CSMD1: variants seen among roughly 807,000 people sequenced by gnomAD.
The protein encoded by CSMD1 is CUB and sushi domain-containing protein 1.
CSMD1 carries 213 observed loss-of-function variants against 417.5 expected under a neutral mutation model. The observed-to-expected ratio is 0.51, with a 90% CI of 0.46 to 0.57. CSMD1 has a LOEUF of 0.57. Ranked by LOEUF, CSMD1 falls within the 20% of genes least tolerant of loss-of-function variation. CSMD1 has a pLI of 0.00. For synonymous variants in CSMD1, 2,862 were observed against 1,736.8 expected, an observed-to-expected ratio of 1.65 and a Z score of -16.11; for missense variants, 6,923 against 4,529.7, an observed-to-expected ratio of 1.53 and a Z score of -15.17.
rs572487169 is a variant in CSMD1, at chr8:3,905,202, T to G, written c.818+92701A>C. 5.3e-5 allele frequency among the ~76,000 whole-genome samples: 8 copies of G among 152,320 alleles called. No homozygotes were observed. In the East Asian group the frequency reaches 1.5e-3, roughly 29 times the overall value. ...AGAAAAAATATGTTCATATAAAAGA[T>G]AATATTTTTTCTGCATAATATAATT... On this transcript the variant is annotated intron_variant, in intron 5 of 69. Transcript: ENST00000635120.
chr8:4,012,704 T>C (rs910661311), intron 4 of CSMD1, among the ~76,000 whole-genome samples: 3 of 152,206 alleles, frequency 2.0e-5, no homozygotes, highest in Non-Finnish European at 2.9e-5. Context: ...TTCAACTCCA[T>C]AGAATGTCTA....
At chr8:3,393,507 G>A (rs1418311912) in intron 17 of CSMD1, among the ~76,000 whole-genome samples, 1 of 151,990 alleles carries the variant, frequency 6.6e-6, no homozygotes, top group Non-Finnish European at 1.5e-5. Flanking sequence ...TGTGTCTGTT[G>A]GCTGCATAAA....
intron 49 of CSMD1, among the ~76,000 whole-genome samples, chr8:3,062,914 T>C (rs934247139): frequency 6.6e-6 from 1 of 152,168 alleles, no homozygotes; most frequent in Non-Finnish European, 1.5e-5. Flanking sequence ...ACAAACATTT[T>C]TAAACTGTCT....
At chr8:3,432,208 G>C (rs778178206) in intron 12 of CSMD1, among the ~76,000 whole-genome samples, 3 of 152,068 alleles carry the variant, frequency 2.0e-5, no homozygotes, top group Non-Finnish European at 4.4e-5. Flanking sequence ...CATGGGTAGA[G>C]AACTGAATAT....
chr8:2,998,144 G>A lies in CSMD1; in HGVS notation c.8244C>T (p.Phe2748=). The change falls in exon 54 of 70, where the codon TTC becomes TTT. Residue 2748 remains phenylalanine (F), a synonymous_variant. Transcript: ENST00000635120. ...TCAGGTTGAACTCACTGCCATTAGT[G>A]AATCCGTGGGCAGGGTTTCCAGGGT... ...CGHPGNPAHG[F]TNGSEFNLND... The A allele has an allele frequency of 6.2e-7, 1 of 1,614,008 alleles. No homozygotes were observed. Among genetic ancestry groups the A allele is most frequent in the Non-Finnish European group, 8.5e-7 (1 of 1,179,876 alleles).
At chr8:4,702,984 A>G (rs1204150082) in intron 1 of CSMD1, among the ~76,000 whole-genome samples, 1 of 152,184 alleles carries the variant, frequency 6.6e-6, no homozygotes, top group East Asian at 1.9e-4. Flanking sequence ...GGTACTCTCA[A>G]AAAAGAATGA....
intron 5 of CSMD1, among the ~76,000 whole-genome samples, chr8:3,849,536 T>A (rs1254794425): frequency 6.6e-6 from 1 of 152,170 alleles, no homozygotes; most frequent in East Asian, 1.9e-4. Context: ...AATGACGACT[T>A]CAGCAGAAAT....
chr8:4,337,874 G>A (rs1171610176), intron 3 of CSMD1, among the ~76,000 whole-genome samples: 1 of 152,020 alleles, frequency 6.6e-6, no homozygotes, highest in Non-Finnish European at 1.5e-5. Flanking sequence ...GTAAAAATAG[G>A]CATTTTCTTC....
chr8:3,739,686 C>G (rs1472821269), intron 6 of CSMD1, among the ~76,000 whole-genome samples: 2 of 152,166 alleles, frequency 1.3e-5, no homozygotes, highest in African/African-American at 4.8e-5. Context: ...TGTTGTAAGA[C>G]TGTACCACAT....
intron 3 of CSMD1, among the ~76,000 whole-genome samples, chr8:4,174,249 G>C (rs1366505569): frequency 2.0e-5 from 3 of 152,088 alleles, no homozygotes; most frequent in Non-Finnish European, 2.9e-5. Flanking sequence ...GCGCTAAAAA[G>C]GAAATGAATC....
chr8:4,895,743 AG>A (rs1371378422), intron 1 of CSMD1, among the ~76,000 whole-genome samples: 4 of 151,120 alleles, frequency 2.6e-5, no homozygotes, highest in Non-Finnish European at 5.9e-5. Context: ...CTATTTTTCT[AG>A]TAATTAACCA....
At chr8:3,915,517 T>G (rs1270162567) in intron 5 of CSMD1, among the ~76,000 whole-genome samples, 1 of 151,802 alleles carries the variant, frequency 6.6e-6, no homozygotes, top group Non-Finnish European at 1.5e-5. Flanking sequence ...TTACTGGGCT[T>G]TGTTGATCAT....
intron 5 of CSMD1, among the ~76,000 whole-genome samples, chr8:3,815,124 T>G (rs1801301833): frequency 6.6e-6 from 1 of 152,176 alleles, no homozygotes; most frequent in Non-Finnish European, 1.5e-5. Flanking sequence ...AGACATGGGA[T>G]ATTTTGCTTA....
intron 3 of CSMD1, among the ~76,000 whole-genome samples, chr8:4,167,075 A>C (rs1017517442): frequency 6.6e-6 from 1 of 152,190 alleles, no homozygotes; most frequent in African/African-American, 2.4e-5. Flanking sequence ...AAAAAAACTT[A>C]GAATATCTGT....
intron 26 of CSMD1, among the ~76,000 whole-genome samples, chr8:3,243,340 G>T (rs1799665902): frequency 6.6e-6 from 1 of 152,168 alleles, no homozygotes; most frequent in Non-Finnish European, 1.5e-5. Context: ...TCCATGTGAA[G>T]ACACCACCAA....
chr8:3,853,714 C>T (rs952525629), intron 5 of CSMD1, among the ~76,000 whole-genome samples: 6 of 151,768 alleles, frequency 4.0e-5, no homozygotes, highest in Non-Finnish European at 7.4e-5. Flanking sequence ...GTAAAGAAAC[C>T]ACCTCGGGGT....
At chr8:4,502,787 A>G (rs1357392680) in intron 2 of CSMD1, among the ~76,000 whole-genome samples, 2 of 152,110 alleles carry the variant, frequency 1.3e-5, no homozygotes, top group Non-Finnish European at 2.9e-5. Flanking sequence ...GAGCATGACC[A>G]ATCTGTTGGA....
At position 4,299,343 on chromosome 8, in the gene CSMD1, GT is replaced by G. The variant is rs1300378932; in HGVS notation, c.415+120609del. Among the ~76,000 whole-genome samples, 5 of 152,076 alleles carry G rather than the reference GT, an allele frequency of 3.3e-5. No individual in the cohort carries two copies. In the South Asian group the frequency reaches 6.2e-4, roughly 19 times the overall value. ...TTTAAATAATTACTTCCAAGAGGGGGTTTTTACTTGACATATTGTAAGTGTC... is the reference window on the plus strand; with the variant it reads ...TTTAAATAATTACTTCCAAGAGGGGGTTTTACTTGACATATTGTAAGTGTC... On this transcript the variant is annotated intron_variant, in intron 3 of 69. Coordinates refer to ENST00000635120, the MANE Select transcript of CSMD1 (RefSeq NM_033225.6).
intron 7 of CSMD1, among the ~76,000 whole-genome samples, chr8:3,671,780 T>G (rs1406280728): frequency 2.6e-5 from 4 of 151,600 alleles, no homozygotes; most frequent in Non-Finnish European, 5.9e-5. Flanking sequence ...GCTGTTAAAT[T>G]GGAAAGAGCA....
Sources: gnomAD v4.1 joint callset for allele counts (sites outside exome capture counted in the v4.1 genomes callset) on GRCh38, gnomAD v4.1.1 for gene constraint, MANE v1.5 for transcripts, NCBI Gene and HGNC (gene_info 2026-07-23, HGNC 2026-07-21) for gene names.